Variants in ETV1 observed in about 807,000 individuals in gnomAD.
The protein encoded by ETV1 is ETS translocation variant 1.
In ETV1, 27 loss-of-function variants were observed where a neutral mutation model predicts 62.3. That is an observed-to-expected ratio of 0.43 (90% confidence interval 0.32 to 0.60). The LOEUF is 0.60. ETV1 is among the 20% of genes least tolerant of loss of function. The pLI, the probability that ETV1 is intolerant of heterozygous loss-of-function variation, is 0.06. For synonymous variants in ETV1, 222 were observed against 199.6 expected, an observed-to-expected ratio of 1.11 and a Z score of -0.94; for missense variants, 605 against 605.8, an observed-to-expected ratio of 1.00 and a Z score of 0.01.
In ETV1 at chr7:13,898,708, A is replaced by G. The variant is rs182408549; in HGVS notation, c.1212+2030T>C. ...TAAGTTAGTGAACAAATATAGCCAT[A>G]TAAATATTTTCTCCTACATGTTAAA... On this transcript the variant is annotated intron_variant, in intron 13 of 13. Transcript: ENST00000430479. 7.2e-3 allele frequency among the ~76,000 whole-genome samples: 1,099 copies of G among 152,342 alleles called. 8 individuals carry two copies. Among genetic ancestry groups the G allele is most frequent in the African/African-American group, 0.021 (864 of 41,582 alleles).
chr7:13,925,461 A>T (rs1785299837), intron 9 of ETV1, among the ~76,000 whole-genome samples: 1 of 152,168 alleles, frequency 6.6e-6, no homozygotes, highest in Non-Finnish European at 1.5e-5. Flanking sequence ...ATAGAAAGTC[A>T]TTTACGCTTA....
intron 3 of ETV1, 47 bp downstream of exon 3, chr7:13,988,961 C>T: frequency 6.5e-7 from 1 of 1,550,174 alleles, no homozygotes; most frequent in Non-Finnish European, 8.8e-7. Context: ...TCCCCACCCC[C>T]GACGGAGTCA....
At chr7:13,941,959 C>T (rs1017083076) in intron 6 of ETV1, among the ~76,000 whole-genome samples, 4 of 150,706 alleles carry the variant, frequency 2.7e-5, no homozygotes, top group African/African-American at 9.8e-5. Context: ...TGTGTGTAGG[C>T]GAGATCTTAG....
At chr7:13,908,558 T>C (rs567905929) in intron 11 of ETV1, among the ~76,000 whole-genome samples, 1 of 152,242 alleles carries the variant, frequency 6.6e-6, no homozygotes, top group East Asian at 1.9e-4. Flanking sequence ...ACATCTGTTG[T>C]AGAATAAAAC....
chr7:13,963,519 T>C (rs896231813), intron 6 of ETV1, among the ~76,000 whole-genome samples: 6 of 138,770 alleles, frequency 4.3e-5, no homozygotes, highest in Non-Finnish European at 7.6e-5. Flanking sequence ...AACATTTTAA[T>C]ACCAATCTTG....
Position 13,893,577 on chromosome 7 carries a change from C to T in ETV1, c.*2289G>A, listed in dbSNP as rs1049621256. 4.3e-6 allele frequency: 1 copy of T among 231,706 alleles called. No individual in the cohort carries two copies. Among genetic ancestry groups the T allele is most frequent in the Admixed American group, 5.6e-5 (1 of 17,716 alleles). The allele number at this position is 231,706 out of a possible 1,614,324, so 14.4% of individuals were successfully genotyped here. On this transcript the variant is annotated 3_prime_UTR_variant, in exon 14 of 14. Transcript: ENST00000430479. The stretch of plus-strand genomic sequence containing the variant: ...GTTAGCATGGCCCAATTCTTCCTCA[C>T]TGACTGACTAAAACTAGACTATTAA...
intron 9 of ETV1, among the ~76,000 whole-genome samples, chr7:13,919,181 G>T (rs2128432411): frequency 6.6e-6 from 1 of 152,212 alleles, no homozygotes; most frequent in East Asian, 1.9e-4. Flanking sequence ...AACACTAAAA[G>T]ATGAGAGTTA....
intron 11 of ETV1, among the ~76,000 whole-genome samples, chr7:13,908,466 G>A (rs1003774042): frequency 3.3e-5 from 5 of 152,118 alleles, no homozygotes; most frequent in African/African-American, 9.7e-5. Flanking sequence ...AAGAGAAAAT[G>A]CTATATTTTA....
In ETV1 at chr7:13,954,445, T is replaced by C. The variant is rs186064840; in HGVS notation, c.236-15199A>G. Among the ~76,000 whole-genome samples, 5 of 152,308 alleles carry C rather than the reference T, an allele frequency of 3.3e-5. No individual in the cohort carries two copies. The East Asian group carries it at 5.8e-4, about 18-fold the overall frequency. On this transcript the variant is annotated intron_variant, in intron 6 of 13. Coordinates refer to ENST00000430479, the MANE Select transcript of ETV1 (RefSeq NM_004956.5). The stretch of plus-strand genomic sequence containing the variant: ...ACTAAAACTCCACATCTATACAACA[T>C]ACTCATGAATCTAGGGAAATACTAT...
chr7:13,918,980 C>A lies in ETV1; in HGVS notation c.803-7673G>T, dbSNP rs190485641. 5.3e-3 allele frequency among the ~76,000 whole-genome samples: 802 copies of A among 151,922 alleles called. 7 individuals carry two copies. The highest frequency in any genetic ancestry group is 0.014 in the Middle Eastern group (4 of 288). On this transcript the variant is annotated intron_variant, in intron 9 of 13. Coordinates refer to ENST00000430479, the MANE Select transcript of ETV1 (RefSeq NM_004956.5). ...CTCTTATTTTATCTTATCCTCTAGC[C>A]CCAAATACTGTACTTTAAATTATTA...
At chr7:13,918,671 C>T (rs1484583592) in intron 9 of ETV1, among the ~76,000 whole-genome samples, 2 of 145,092 alleles carry the variant, frequency 1.4e-5, no homozygotes, top group Non-Finnish European at 3.0e-5. Flanking sequence ...GGGAACTGAA[C>T]AATGAGATCA....
At chr7:13,989,733 A>T (rs1782877447), upstream of ETV1, 5 of 397,564 alleles carry the variant, frequency 1.3e-5, no homozygotes, top group South Asian at 5.7e-4. Flanking sequence ...AAACTGATGG[A>T]TCGCTGCCTC....
At chr7:13,936,332 G>C (rs879685235) in intron 7 of ETV1, among the ~76,000 whole-genome samples, 1 of 152,014 alleles carries the variant, frequency 6.6e-6, no homozygotes, top group African/African-American at 2.4e-5. Context: ...AGCTTAATAA[G>C]GCAGAGACCA....
At chr7:13,954,196 A>G (rs1789151318) in intron 6 of ETV1, among the ~76,000 whole-genome samples, 2 of 152,218 alleles carry the variant, frequency 1.3e-5, no homozygotes, top group Non-Finnish European at 2.9e-5. Flanking sequence ...AAATAAAATC[A>G]TTTTCTCCAG....
intron 6 of ETV1, among the ~76,000 whole-genome samples, chr7:13,944,184 A>G (rs1280974557): frequency 6.6e-6 from 1 of 152,216 alleles, no homozygotes; most frequent in Non-Finnish European, 1.5e-5. Context: ...GAGTTTCCCG[A>G]AGTGACCTTA....
At position 13,894,694 on chromosome 7, in the gene ETV1, C is replaced by T; in HGVS notation, c.*1172G>A. Reference sequence around the variant, plus strand: ...CTGAAATGCTATCTGTAGTTAACTGCACTGCTTATAAATGGTCATAGTAAA... The same window carrying T: ...CTGAAATGCTATCTGTAGTTAACTGTACTGCTTATAAATGGTCATAGTAAA... On this transcript the variant is annotated 3_prime_UTR_variant, in exon 14 of 14. Transcript: ENST00000430479. The T allele has an allele frequency of 4.3e-6, 1 of 232,530 alleles. No individual in the cohort carries two copies. The highest frequency in any genetic ancestry group is 8.5e-6 in the Non-Finnish European group (1 of 117,358). The allele number at this position is 232,530 out of a possible 1,614,324, so 14.4% of individuals were successfully genotyped here.
At position 13,893,113 on chromosome 7, in the gene ETV1, GTGTT is replaced by G. The variant is rs1413522243; in HGVS notation, c.*2749_*2752del. 4 of 232,496 alleles carry G rather than the reference GTGTT, an allele frequency of 1.7e-5. No homozygotes were observed. Among genetic ancestry groups the G allele is most frequent in the African/African-American group, 8.8e-5 (4 of 45,306 alleles). The allele number at this position is 232,496 out of a possible 1,614,324, so 14.4% of individuals were successfully genotyped here. On this transcript the variant is annotated 3_prime_UTR_variant, in exon 14 of 14. Coordinates refer to ENST00000430479, the MANE Select transcript of ETV1 (RefSeq NM_004956.5). Reference sequence around the variant, plus strand: ...TTTTTACTTAGTTATTTGAGTATAAGTGTTTGTTGCAATTAATCTATTGGGTATT... The same window carrying G: ...TTTTTACTTAGTTATTTGAGTATAAGTGTTGCAATTAATCTATTGGGTATT...
intron 9 of ETV1, among the ~76,000 whole-genome samples, chr7:13,930,574 G>C (rs1417819687): frequency 5.9e-5 from 9 of 151,862 alleles, no homozygotes; most frequent in Non-Finnish European, 2.9e-5. Context: ...GCCCACCTCG[G>C]CCTCCCAAAG....
chr7:13,913,697 T>A (rs1783804105), intron 9 of ETV1, among the ~76,000 whole-genome samples: 1 of 152,160 alleles, frequency 6.6e-6, no homozygotes, highest in Admixed American at 6.6e-5. Context: ...GTTATCTTAC[T>A]CTGCTGTTCT....
Sources: allele counts gnomAD v4.1 joint callset (sites outside exome capture counted in the v4.1 genomes callset), GRCh38; gene constraint gnomAD v4.1.1; transcripts MANE v1.5; gene names NCBI Gene and HGNC (gene_info 2026-07-23, HGNC 2026-07-21).